Variants in GMDS observed in about 807,000 individuals in gnomAD.
The protein encoded by GMDS is GDP-mannose 4,6 dehydratase.
A neutral mutation model predicts 49.9 loss-of-function variants in GMDS; 20 were observed. The observed-to-expected ratio is 0.40, with a 90% CI of 0.28 to 0.58. GMDS has a LOEUF of 0.58. Ranked by LOEUF, GMDS falls within the 20% of genes least tolerant of loss-of-function variation. The pLI, the probability that GMDS is intolerant of heterozygous loss-of-function variation, is 0.42. For synonymous variants in GMDS, 177 were observed against 178.6 expected, an observed-to-expected ratio of 0.99 and a Z score of 0.07; for missense variants, 362 against 481.4, an observed-to-expected ratio of 0.75 and a Z score of 2.32.
chr6:1,908,089 C>T (rs1392875619), intron 7 of GMDS, among the ~76,000 whole-genome samples: 1 of 152,118 alleles, frequency 6.6e-6, no homozygotes, highest in African/African-American at 2.4e-5. Context: ...ACAAACACTA[C>T]AATACTTCAA....
intron 1 of GMDS, among the ~76,000 whole-genome samples, chr6:2,147,064 G>A (rs539259376): frequency 2.0e-3 from 297 of 152,268 alleles, no homozygotes; most frequent in African/African-American, 6.9e-3. Flanking sequence ...GACCAAAGGT[G>A]AAGGAAAATA....
At chr6:2,087,377 G>A (rs1773072474) in intron 4 of GMDS, among the ~76,000 whole-genome samples, 2 of 152,012 alleles carry the variant, frequency 1.3e-5, no homozygotes, top group South Asian at 4.2e-4. Context: ...GAAAAATTTG[G>A]CCTCAAAATG....
chr6:2,039,700 G>A (rs1056643327), intron 4 of GMDS, among the ~76,000 whole-genome samples: 2 of 151,992 alleles, frequency 1.3e-5, no homozygotes, highest in East Asian at 3.9e-4. Context: ...TTCTCCTGCT[G>A]GAAGGTCTTC....
At chr6:1,733,172 A>T (rs752953044) in intron 8 of GMDS, among the ~76,000 whole-genome samples, 13 of 152,212 alleles carry the variant, frequency 8.5e-5, no homozygotes, top group Non-Finnish European at 1.9e-4. Context: ...AGAAGCCACT[A>T]ACAGGGTGGG....
chr6:2,042,936 T>C (rs1461999582), intron 4 of GMDS, among the ~76,000 whole-genome samples: 1 of 152,184 alleles, frequency 6.6e-6, no homozygotes, highest in Middle Eastern at 3.2e-3. Context: ...GACTATGACC[T>C]AAATATTCAT....
intron 7 of GMDS, among the ~76,000 whole-genome samples, chr6:1,824,949 A>G (rs965124573): frequency 2.0e-5 from 3 of 152,080 alleles, no homozygotes; most frequent in African/African-American, 7.2e-5. Flanking sequence ...TATTTAAATC[A>G]CCTCGGGCAC....
rs181131959 is a variant in GMDS at position 1,680,545 on chromosome 6, C to T, written c.987+45871G>A. On this transcript the variant is annotated intron_variant, in intron 9 of 10. Coordinates refer to ENST00000380815, the MANE Select transcript of GMDS (RefSeq NM_001500.4). ...CGGCACCGTGACCTGACTTCTCACA[C>T]GGAAAGCAGCGTGGACCTTCTGGCC... Among the ~76,000 whole-genome samples the T allele has an allele frequency of 1.6e-3, 249 of 152,298 alleles. 1 individual carries two copies. The highest frequency in any genetic ancestry group is 5.8e-3 in the African/African-American group (242 of 41,558).
chr6:2,170,446 C>T (rs1329021679), intron 1 of GMDS, among the ~76,000 whole-genome samples: 1 of 151,772 alleles, frequency 6.6e-6, no homozygotes, highest in Non-Finnish European at 1.5e-5. Flanking sequence ...AGCAACACAG[C>T]AAGACCCTAC....
chr6:1,808,065 T>G (rs927501796), intron 7 of GMDS, among the ~76,000 whole-genome samples: 3 of 152,226 alleles, frequency 2.0e-5, no homozygotes, highest in Admixed American at 6.5e-5. Context: ...CACTGTATTA[T>G]GTAATTTGCA....
At chr6:2,053,727 G>A (rs1220388365) in intron 4 of GMDS, among the ~76,000 whole-genome samples, 3 of 151,920 alleles carry the variant, frequency 2.0e-5, no homozygotes, top group African/African-American at 7.2e-5. Context: ...AACACACTGA[G>A]AAAAATTTTT....
At chr6:2,215,168 G>C (rs906329123) in intron 1 of GMDS, among the ~76,000 whole-genome samples, 6 of 152,124 alleles carry the variant, frequency 3.9e-5, no homozygotes, top group Admixed American at 3.9e-4. Flanking sequence ...AAATGGCTCA[G>C]TGTCCTCAAC....
At chr6:2,160,505 T>G (rs1192732937) in intron 1 of GMDS, among the ~76,000 whole-genome samples, 1 of 152,216 alleles carries the variant, frequency 6.6e-6, no homozygotes, top group African/African-American at 2.4e-5. Context: ...TAAAGACAAA[T>G]TTTCAAGTTG....
intron 1 of GMDS, among the ~76,000 whole-genome samples, chr6:2,216,593 C>A (rs1780345338): frequency 6.6e-6 from 1 of 152,294 alleles, no homozygotes; most frequent in Middle Eastern, 3.4e-3. Context: ...GGTGTGGCAG[C>A]ACGCACCTGC....
chr6:1,683,226 C>T (rs1764848293), intron 9 of GMDS, among the ~76,000 whole-genome samples: 1 of 152,172 alleles, frequency 6.6e-6, no homozygotes, highest in Admixed American at 6.5e-5. Flanking sequence ...CGGGTTCACA[C>T]CATTCTCCTG....
chr6:1,964,727 A>G (rs1239552998), intron 4 of GMDS, among the ~76,000 whole-genome samples: 1 of 152,160 alleles, frequency 6.6e-6, no homozygotes. Context: ...ACATGTGCAC[A>G]GTGCGCAGGT....
At chr6:2,128,082 G>A (rs1022898116) in intron 1 of GMDS, among the ~76,000 whole-genome samples, 5 of 151,988 alleles carry the variant, frequency 3.3e-5, no homozygotes, top group Non-Finnish European at 5.9e-5. Context: ...AATTTTACAC[G>A]TGGGCTATTA....
chr6:2,090,884 G>GA (rs1328489665), intron 4 of GMDS, among the ~76,000 whole-genome samples: 3 of 152,178 alleles, frequency 2.0e-5, no homozygotes, highest in African/African-American at 7.2e-5. Flanking sequence ...TTCATTATGT[G>GA]ATTTAAGCAT....
intron 6 of GMDS, among the ~76,000 whole-genome samples, chr6:1,943,384 T>G (rs1217975229): frequency 2.0e-5 from 3 of 152,220 alleles, no homozygotes; most frequent in Non-Finnish European, 4.4e-5. Context: ...CAATCTTCAG[T>G]TTACTCACCT....
intron 6 of GMDS, among the ~76,000 whole-genome samples, chr6:1,953,824 A>C (rs1433188012): frequency 6.6e-6 from 1 of 152,186 alleles, no homozygotes; most frequent in Non-Finnish European, 1.5e-5. Context: ...CTATTTTTAA[A>C]TAATTAAAAA....
Sources: gnomAD v4.1 joint callset for allele counts (sites outside exome capture counted in the v4.1 genomes callset) on GRCh38, gnomAD v4.1.1 for gene constraint, MANE v1.5 for transcripts, NCBI Gene and HGNC (gene_info 2026-07-23, HGNC 2026-07-21) for gene names.